The following DNAI3 variants were observed in gnomAD, a reference collection of about 807,000 sequenced individuals.
DNAI3 encodes the protein WD repeat domain 63.
In DNAI3, 83 loss-of-function variants were observed where a neutral mutation model predicts 115.5. That is an observed-to-expected ratio of 0.72 (90% CI 0.60 to 0.86). DNAI3 has a LOEUF of 0.86. Ranked by LOEUF, DNAI3 falls within the 40% of genes least tolerant of loss-of-function variation. The probability of loss-of-function intolerance (pLI) is 0.00; values close to 1 mark genes in which losing one functional copy is unlikely to be tolerated. For missense variants in DNAI3, 1,004 were observed against 1,075.8 expected (o/e 0.93, Z 0.93); for synonymous variants, 320 against 347.0 (o/e 0.92, Z 0.86).
intron 3 of DNAI3, among the ~76,000 whole-genome samples, chr1:85,076,894 A>G (rs926867521): frequency 3.3e-5 from 5 of 152,194 alleles, no homozygotes; most frequent in Non-Finnish European, 7.3e-5. Context: ...TTTAAGTCAT[A>G]AACTTATGAC....
chr1:85,073,532 T>G (rs903426942), intron 3 of DNAI3, among the ~76,000 whole-genome samples: 1 of 152,196 alleles, frequency 6.6e-6, no homozygotes, highest in Non-Finnish European at 1.5e-5. Flanking sequence ...TTCCTACATG[T>G]AAAGGCTAAA....
At chr1:85,085,794 T>G (rs764854520) in intron 6 of DNAI3, 37 bp from the exon 7 acceptor site, 2 of 1,599,464 alleles carry the variant, frequency 1.3e-6, no homozygotes, top group South Asian at 1.1e-5. Context: ...CATCAGGGAC[T>G]TCATTATGTT....
At chr1:85,092,659 T>A (rs1282576075) in intron 8 of DNAI3, among the ~76,000 whole-genome samples, 1 of 152,100 alleles carries the variant, frequency 6.6e-6, no homozygotes, top group Admixed American at 6.6e-5. Flanking sequence ...AGCACTCAGA[T>A]GGTATCTTAA....
At chr1:85,129,501 G>C (rs943482817) in intron 21 of DNAI3, among the ~76,000 whole-genome samples, 2 of 151,290 alleles carry the variant, frequency 1.3e-5, no homozygotes, top group Non-Finnish European at 2.9e-5. Flanking sequence ...ATTCAGCTCT[G>C]CTTCCAGTCC....
intron 13 of DNAI3, among the ~76,000 whole-genome samples, chr1:85,104,111 T>C (rs748742116): frequency 2.7e-5 from 4 of 150,560 alleles, no homozygotes; most frequent in Non-Finnish European, 5.9e-5. Context: ...TCTGAGATAG[T>C]GGTATGTCCT....
chr1:85,116,664 T>G (rs1462407161), intron 16 of DNAI3, among the ~76,000 whole-genome samples: 1 of 152,240 alleles, frequency 6.6e-6, no homozygotes, highest in Non-Finnish European at 1.5e-5. Flanking sequence ...TTTTTGCTCT[T>G]CCTACATGTA....
At chr1:85,113,947 G>A (rs1265501651) in intron 16 of DNAI3, among the ~76,000 whole-genome samples, 1 of 149,852 alleles carries the variant, frequency 6.7e-6, no homozygotes, top group Non-Finnish European at 1.5e-5. Flanking sequence ...TGGTGCTCTT[G>A]TTAACGGTAC....
chr1:85,072,184 A>G (rs994805008), intron 2 of DNAI3, among the ~76,000 whole-genome samples, 179 bp downstream of exon 2: 1 of 152,240 alleles, frequency 6.6e-6, no homozygotes, highest in Non-Finnish European at 1.5e-5. Flanking sequence ...TTTCATTATG[A>G]TACCAATTAG....
intron 5 of DNAI3, among the ~76,000 whole-genome samples, chr1:85,083,293 C>A (rs1314977339): frequency 6.6e-6 from 1 of 151,996 alleles, no homozygotes; most frequent in African/African-American, 2.4e-5. Flanking sequence ...TCCAGATGAG[C>A]CTGGGTAACA....
At chr1:85,073,924 AGGTGGGGAGAAAGTG>A (rs1654369376) in intron 3 of DNAI3, among the ~76,000 whole-genome samples, 1 of 152,074 alleles carries the variant, frequency 6.6e-6, no homozygotes, top group South Asian at 2.1e-4. Context: ...TGGAGTGTGG[AGGTGGGGAGAAAGTG>A]GGAGAATGTC....
intron 15 of DNAI3, among the ~76,000 whole-genome samples, chr1:85,108,819 G>A (rs1301605226): frequency 6.6e-6 from 1 of 152,092 alleles, no homozygotes; most frequent in Non-Finnish European, 1.5e-5. Context: ...GATCCAGGTA[G>A]AAATCAAAAT....
chr1:85,085,698 T>C, intron 6 of DNAI3, 133 bp from the exon 7 acceptor site: 2 of 720,182 alleles, frequency 2.8e-6, no homozygotes, highest in Non-Finnish European at 4.7e-6. Flanking sequence ...CTCATGTGAA[T>C]GGAAAGCATG....
At chr1:85,090,372 C>A in intron 8 of DNAI3, 140 bp downstream of exon 8, 1 of 458,960 alleles carries the variant, frequency 2.2e-6, no homozygotes, top group Non-Finnish European at 3.8e-6. Flanking sequence ...ACACATTCTA[C>A]AGATTCTCAA....
intron 4 of DNAI3, 35 bp downstream of exon 4, chr1:85,081,450 C>A (rs1654629503): frequency 2.0e-6 from 3 of 1,501,072 alleles, no homozygotes; most frequent in Non-Finnish European, 2.6e-6. Flanking sequence ...TTCAGTCCTA[C>A]CTCAAGAAGT....
At chr1:85,098,502 CACTTA>C in intron 12 of DNAI3, 23 bp from the exon 13 acceptor site, 1 of 1,603,858 alleles carries the variant, frequency 6.2e-7, no homozygotes, top group Non-Finnish European at 8.5e-7. Flanking sequence ...CTGAAATTAG[CACTTA>C]ACTTTCTTTT....
chr1:85,105,254 A>T (rs988583879), intron 14 of DNAI3, among the ~76,000 whole-genome samples: 1 of 152,166 alleles, frequency 6.6e-6, no homozygotes, highest in Non-Finnish European at 1.5e-5. Context: ...TGGGCCAGGG[A>T]TGAGGGAGAC....
intron 15 of DNAI3, among the ~76,000 whole-genome samples, chr1:85,108,494 C>T (rs1343701437): frequency 6.6e-6 from 1 of 152,070 alleles, no homozygotes; most frequent in East Asian, 1.9e-4. Context: ...TATATGGTTG[C>T]TGATGTAGCT....
chr1:85,082,429 ATTTG>A (rs1340195846), intron 5 of DNAI3, 25 bp downstream of exon 5: 2 of 1,581,758 alleles, frequency 1.3e-6, no homozygotes, highest in South Asian at 2.2e-5. Context: ...AGCCCTTGTA[ATTTG>A]TTTGTTTTTG....
At chr1:85,070,727 AC>A (rs1654247303) in intron 1 of DNAI3, among the ~76,000 whole-genome samples, 1 of 152,204 alleles carries the variant, frequency 6.6e-6, no homozygotes, top group Non-Finnish European at 1.5e-5. Flanking sequence ...TATCACATGT[AC>A]CCCCAAATAT....
Sources: allele counts gnomAD v4.1 joint callset (sites outside exome capture counted in the v4.1 genomes callset), GRCh38; gene constraint gnomAD v4.1.1; transcripts MANE v1.5; gene names NCBI Gene and HGNC (gene_info 2026-07-23, HGNC 2026-07-21).